The following ANKRD29 variants were observed in gnomAD, a reference collection of about 807,000 sequenced individuals.
ANKRD29 encodes ankyrin repeat domain 29.
In ANKRD29, 32 loss-of-function variants were observed where a neutral mutation model predicts 38.0. The observed-to-expected ratio is 0.84, with a 90% CI of 0.64 to 1.13. ANKRD29 has a LOEUF of 1.13. Among genes scored for constraint, ANKRD29 ranks in the 50% most tolerant of loss-of-function variants. ANKRD29 has a pLI of 0.00. For missense variants in ANKRD29, 357 were observed against 377.9 expected (o/e 0.94, Z 0.46); for synonymous variants, 135 against 152.4 (o/e 0.89, Z 0.84).
In ANKRD29 at chr18:23,600,984, C is replaced by A. The variant is rs552493397; in HGVS notation, c.*242G>T. 22 of 364,096 alleles carry A rather than the reference C, an allele frequency of 6.0e-5. No individual in the cohort carries two copies. Among genetic ancestry groups the A allele is most frequent in the Non-Finnish European group, 1.1e-4 (22 of 200,334 alleles). The allele number at this position is 364,096 out of a possible 1,614,324, so 22.6% of individuals were successfully genotyped here. On this transcript the variant is annotated 3_prime_UTR_variant, in exon 10 of 10. Coordinates refer to ENST00000592179, the MANE Select transcript of ANKRD29 (RefSeq NM_173505.4). ...GTGGAATCTGTGAACATGCCAGGCC[C>A]CCCGGGAGATGAGTTACAGGACACC...
At chr18:23,661,749 C>T (rs1416680250) in intron 1 of ANKRD29, among the ~76,000 whole-genome samples, 1 of 152,296 alleles carries the variant, frequency 6.6e-6, no homozygotes, top group Non-Finnish European at 1.5e-5. Context: ...TCGTCTGCTT[C>T]GTTCCATTCT....
At position 23,619,521 on chromosome 18, in the gene ANKRD29, G is replaced by C. The variant is rs1417213194; in HGVS notation, c.627+10C>G. ...GCTTCGCTCTTTGGCCGCGCGACTC[G>C]GGCACTCACGTTCCGCGCAGCGTCG... On this transcript the variant is annotated intron_variant, in intron 7 of 9. Coordinates refer to ENST00000592179, the MANE Select transcript of ANKRD29 (RefSeq NM_173505.4). 4 of 1,580,154 alleles carry C rather than the reference G, an allele frequency of 2.5e-6. No individual in the cohort carries two copies. The highest frequency in any genetic ancestry group is 2.7e-5 in the African/African-American group (2 of 73,988).
At chr18:23,623,080 T>C (rs2059816035) in intron 6 of ANKRD29, among the ~76,000 whole-genome samples, 1 of 152,228 alleles carries the variant, frequency 6.6e-6, no homozygotes, top group South Asian at 2.1e-4. Context: ...GTGGTGAGCA[T>C]GAGCACTGGC....
chr18:23,651,156 C>T (rs960024070), intron 1 of ANKRD29, among the ~76,000 whole-genome samples: 4 of 152,182 alleles, frequency 2.6e-5, no homozygotes, highest in South Asian at 2.1e-4. Flanking sequence ...CATACACAGG[C>T]GTACGCCCTT....
intron 3 of ANKRD29, among the ~76,000 whole-genome samples, chr18:23,642,741 T>C (rs1345388979): frequency 1.3e-5 from 2 of 152,216 alleles, no homozygotes; most frequent in African/African-American, 4.8e-5. Flanking sequence ...CCAGAAGTTC[T>C]CACTTTAGGT....
chr18:23,599,609 A>G lies in ANKRD29; in HGVS notation c.*1617T>C, dbSNP rs949800325. 6.6e-6 allele frequency: 1 copy of G among 152,236 alleles called. No homozygotes were observed. The highest frequency in any genetic ancestry group is 1.5e-5 in the Non-Finnish European group (1 of 68,040). The allele number at this position is 152,236 out of a possible 1,614,324, so 9.4% of individuals were successfully genotyped here. On this transcript the variant is annotated 3_prime_UTR_variant, in exon 10 of 10. Coordinates refer to ENST00000592179, the MANE Select transcript of ANKRD29 (RefSeq NM_173505.4). ...AAATTTGCTGAATAAAAGAATGTCAATGAGGAAATGGCATTGATTTTAGCC... is the reference window on the plus strand; with the variant it reads ...AAATTTGCTGAATAAAAGAATGTCAGTGAGGAAATGGCATTGATTTTAGCC...
At chr18:23,629,648 G>A (rs912120718) in intron 6 of ANKRD29, among the ~76,000 whole-genome samples, 2 of 152,238 alleles carry the variant, frequency 1.3e-5, no homozygotes, top group Admixed American at 6.5e-5. Context: ...TGTGATGTCA[G>A]CTTGGTTTCA....
At chr18:23,641,354 A>C (rs2060073696) in intron 3 of ANKRD29, among the ~76,000 whole-genome samples, 1 of 152,204 alleles carries the variant, frequency 6.6e-6, no homozygotes, top group Non-Finnish European at 1.5e-5. Context: ...CAGGCTTGGA[A>C]GTGCCTGCTC....
At position 23,617,765 on chromosome 18, in the gene ANKRD29, C is replaced by A. The variant is rs752105123; in HGVS notation, c.690G>T (p.Leu230Phe). The change falls in exon 8 of 10, where the codon TTG becomes TTT. Residue 230 changes from leucine (L) to phenylalanine (F), a missense_variant. Leu to Phe is a conservative substitution (Grantham distance 22, BLOSUM62 0). Coordinates refer to ENST00000592179, the MANE Select transcript of ANKRD29 (RefSeq NM_173505.4). ...TACCAAGAGTGGGTGAGAATTTAAGCAACTCTTTTATGACATCATTATACC... is the reference window on the plus strand; with the variant it reads ...TACCAAGAGTGGGTGAGAATTTAAGAAACTCTTTTATGACATCATTATACC... The part of the protein sequence containing the change: ...NKGYNDVIKE[L>F]LKFSPTLGIL... The A allele has an allele frequency of 9.9e-6, 16 of 1,613,960 alleles. No individual in the cohort carries two copies. The Admixed American group carries it at 2.2e-4, about 22-fold the overall frequency.
chr18:23,654,835 G>A (rs2060258331), intron 1 of ANKRD29, among the ~76,000 whole-genome samples: 1 of 152,022 alleles, frequency 6.6e-6, no homozygotes, highest in Non-Finnish European at 1.5e-5. Flanking sequence ...AAGGGGAGAG[G>A]AAACACAGAG....
chr18:23,657,920 C>G (rs1051593979), intron 1 of ANKRD29, among the ~76,000 whole-genome samples: 1 of 152,340 alleles, frequency 6.6e-6, no homozygotes, highest in South Asian at 2.1e-4. Flanking sequence ...CAGGACCCAC[C>G]ACTCAGTGAG....
chr18:23,650,401 C>T (rs570932902), intron 1 of ANKRD29, among the ~76,000 whole-genome samples: 9 of 152,304 alleles, frequency 5.9e-5, no homozygotes, highest in African/African-American at 1.4e-4. Flanking sequence ...ACCTCAGCCT[C>T]CCAAAGTGCT....
intron 4 of ANKRD29, among the ~76,000 whole-genome samples, chr18:23,637,166 G>A (rs1337902292): frequency 1.3e-5 from 2 of 152,142 alleles, no homozygotes; most frequent in Admixed American, 1.3e-4. Context: ...GGTCACTCAC[G>A]ATCATTTTGA....
At chr18:23,613,799 C>T (rs1317133661) in intron 8 of ANKRD29, among the ~76,000 whole-genome samples, 1 of 152,016 alleles carries the variant, frequency 6.6e-6, no homozygotes, top group African/African-American at 2.4e-5. Context: ...AGGGTTTCAC[C>T]GTGTTAGCCA....
chr18:23,627,619 T>C (rs1394380541), intron 6 of ANKRD29, among the ~76,000 whole-genome samples: 1 of 152,174 alleles, frequency 6.6e-6, no homozygotes, highest in Non-Finnish European at 1.5e-5. Context: ...ATCGACTTGG[T>C]TTTTTACAAG....
At chr18:23,636,885 C>A (rs916116723) in intron 4 of ANKRD29, among the ~76,000 whole-genome samples, 1 of 152,138 alleles carries the variant, frequency 6.6e-6, no homozygotes, top group African/African-American at 2.4e-5. Context: ...TTATAAAACA[C>A]AGTTTTGGGG....
intron 6 of ANKRD29, among the ~76,000 whole-genome samples, chr18:23,628,062 G>T (rs1568025178): frequency 6.6e-6 from 1 of 152,142 alleles, no homozygotes; most frequent in Admixed American, 6.5e-5. Context: ...AAGTACTCAA[G>T]AAATATTGAT....
Position 23,599,424 on chromosome 18 carries a change from A to C in ANKRD29, c.*1802T>G, listed in dbSNP as rs2059488065. 1 of 152,258 alleles carries C rather than the reference A, an allele frequency of 6.6e-6. No homozygotes were observed. 9.4% of individuals were successfully genotyped at this position (152,258 alleles called of 1,614,324 possible). ...TTTTGGCTTTTGGAACTTTGTTATC[A>C]GTACCCATAACGTTTTGCTTTGTAT... is the stretch of plus-strand genomic sequence containing the variant. On this transcript the variant is annotated 3_prime_UTR_variant, in exon 10 of 10. Transcript: ENST00000592179.
chr18:23,612,105 G>T lies in ANKRD29; in HGVS notation c.809C>A (p.Ser270Tyr), dbSNP rs76082843. 7.3e-5 allele frequency: 118 copies of T among 1,613,570 alleles called. 1 individual carries two copies. In the East Asian group the frequency reaches 2.5e-3, roughly 35 times the overall value. Residue 270 changes from serine to tyrosine, a missense_variant, in exon 9 of 10, where the codon TCC becomes TAC. Ser to Tyr is a moderately radical substitution (Grantham distance 144). Transcript: ENST00000592179. The stretch of plus-strand genomic sequence containing the variant: ...CTTAGTGGGTACCTTGTTTCTCAGG[G>T]ATGGGTCTGCCCCTGCTTCTAGGAG... ...ALLLEAGADPSLRNKANELPA... is the reference protein window; with the variant it reads ...ALLLEAGADPYLRNKANELPA...
Sources: gnomAD v4.1 joint callset for allele counts (sites outside exome capture counted in the v4.1 genomes callset) on GRCh38, gnomAD v4.1.1 for gene constraint, MANE v1.5 for transcripts, NCBI Gene and HGNC (gene_info 2026-07-23, HGNC 2026-07-21) for gene names.